GABRB2: variants seen among roughly 807,000 people sequenced by gnomAD.
GABRB2 encodes gamma-aminobutyric acid receptor subunit beta-2.
Under a neutral mutation model 54.7 loss-of-function variants are expected in GABRB2, and 16 were observed. The ratio of observed to expected loss-of-function variants is 0.29; its 90% CI spans 0.20 to 0.44. GABRB2 has a LOEUF of 0.44. GABRB2 is among the 20% of genes least tolerant of loss of function. The probability of loss-of-function intolerance (pLI) is 1.00; values close to 1 mark genes in which losing one functional copy is unlikely to be tolerated. For missense variants in GABRB2, 355 were observed against 644.0 expected (o/e 0.55, Z 4.86); for synonymous variants, 244 against 233.8 (o/e 1.04, Z -0.40).
At chr5:161,342,341 TA>T (rs1171443669) in intron 5 of GABRB2, among the ~76,000 whole-genome samples, 1 of 152,052 alleles carries the variant, frequency 6.6e-6, no homozygotes, top group Non-Finnish European at 1.5e-5. Context: ...CATTTGTATT[TA>T]AAATGTTGTA....
At chr5:161,545,632 A>G (rs1382996265) in intron 2 of GABRB2, among the ~76,000 whole-genome samples, 1 of 146,408 alleles carries the variant, frequency 6.8e-6, no homozygotes, top group Non-Finnish European at 1.5e-5. Context: ...TTGCGCTGAA[A>G]CCCCCTCCTC....
intron 5 of GABRB2, among the ~76,000 whole-genome samples, chr5:161,373,212 C>T (rs1348751758): frequency 6.6e-6 from 1 of 152,178 alleles, no homozygotes; most frequent in African/African-American, 2.4e-5. Flanking sequence ...AGTCCCTTCT[C>T]ATCTCATACA....
At chr5:161,493,439 T>A (rs1343499844) in intron 3 of GABRB2, among the ~76,000 whole-genome samples, 1 of 151,752 alleles carries the variant, frequency 6.6e-6, no homozygotes, top group Non-Finnish European at 1.5e-5. Flanking sequence ...CTAATCATTA[T>A]AGTTATTTCA....
At chr5:161,364,494 CA>C (rs1005553653) in intron 5 of GABRB2, among the ~76,000 whole-genome samples, 17 of 152,086 alleles carry the variant, frequency 1.1e-4, no homozygotes, top group African/African-American at 3.9e-4. Flanking sequence ...GGTAACATTC[CA>C]AAACATTCAT....
chr5:161,387,254 T>A (rs1288767539), intron 5 of GABRB2, among the ~76,000 whole-genome samples: 1 of 152,050 alleles, frequency 6.6e-6, no homozygotes, highest in Non-Finnish European at 1.5e-5. Flanking sequence ...CAATGTAAGT[T>A]AAATATGTTG....
At chr5:161,479,429 C>G (rs565018343) in intron 3 of GABRB2, among the ~76,000 whole-genome samples, 5 of 151,830 alleles carry the variant, frequency 3.3e-5, no homozygotes, top group Admixed American at 3.3e-4. Context: ...GTCCTTCCTG[C>G]GTGATATATA....
At chr5:161,378,269 T>C (rs1358669468) in intron 5 of GABRB2, among the ~76,000 whole-genome samples, 1 of 152,154 alleles carries the variant, frequency 6.6e-6, no homozygotes, top group African/African-American at 2.4e-5. Context: ...CTAAATTATG[T>C]AACTGGGTAG....
chr5:161,536,058 G>T (rs1760625212), intron 3 of GABRB2, among the ~76,000 whole-genome samples: 1 of 152,156 alleles, frequency 6.6e-6, no homozygotes, highest in African/African-American at 2.4e-5. Flanking sequence ...CTCACCAGAT[G>T]CAGATGTTCA....
chr5:161,347,017 C>A (rs1319280812), intron 5 of GABRB2, among the ~76,000 whole-genome samples: 1 of 152,022 alleles, frequency 6.6e-6, no homozygotes, highest in African/African-American at 2.4e-5. Flanking sequence ...GGACAGCAGG[C>A]CTGCTGCTCA....
intron 5 of GABRB2, among the ~76,000 whole-genome samples, chr5:161,352,821 T>C (rs968358280): frequency 6.6e-6 from 1 of 152,028 alleles, no homozygotes; most frequent in Admixed American, 6.6e-5. Flanking sequence ...TACATATATA[T>C]AATTTTTGTC....
At chr5:161,527,960 C>T (rs899474941) in intron 3 of GABRB2, among the ~76,000 whole-genome samples, 7 of 151,428 alleles carry the variant, frequency 4.6e-5, no homozygotes, top group African/African-American at 1.7e-4. Flanking sequence ...TAAGAATTTA[C>T]CAAAGAAAAT....
At chr5:161,465,101 C>T (rs1292771721) in intron 3 of GABRB2, among the ~76,000 whole-genome samples, 2 of 152,074 alleles carry the variant, frequency 1.3e-5, no homozygotes, top group South Asian at 2.1e-4. Context: ...GGGTCAGACA[C>T]ACCTAGGTCC....
chr5:161,453,943 C>T (rs1408292430), intron 4 of GABRB2, among the ~76,000 whole-genome samples: 1 of 149,460 alleles, frequency 6.7e-6, no homozygotes, highest in Non-Finnish European at 1.5e-5. Flanking sequence ...GAGGCTGGGG[C>T]AGGAGAATTG....
chr5:161,465,055 A>T (rs1247723361), intron 3 of GABRB2, among the ~76,000 whole-genome samples: 2 of 152,064 alleles, frequency 1.3e-5, no homozygotes, highest in Non-Finnish European at 2.9e-5. Context: ...ATAAAAAATA[A>T]ATCTTTCAAT....
At chr5:161,362,085 T>C (rs1275690711) in intron 5 of GABRB2, among the ~76,000 whole-genome samples, 3 of 152,176 alleles carry the variant, frequency 2.0e-5, no homozygotes, top group African/African-American at 7.2e-5. Flanking sequence ...CAGATGACTG[T>C]AGATGTGTGG....
intron 3 of GABRB2, among the ~76,000 whole-genome samples, chr5:161,498,640 G>A (rs1318710448): frequency 1.3e-5 from 2 of 152,142 alleles, no homozygotes; most frequent in African/African-American, 4.8e-5. Flanking sequence ...ATGTAAAAGA[G>A]TCTTGGAACA....
chr5:161,545,052 G>C (rs146354147), intron 3 of GABRB2, among the ~76,000 whole-genome samples, 175 bp downstream of exon 3: 2 of 151,982 alleles, frequency 1.3e-5, no homozygotes, highest in Non-Finnish European at 2.9e-5. Context: ...TTAGGGACCA[G>C]AAAGAGTCAA....
chr5:161,302,367 T>C lies in GABRB2; in HGVS notation c.1192-7939A>G, dbSNP rs373446269. Among the ~76,000 whole-genome samples the C allele has an allele frequency of 1.8e-4, 27 of 152,336 alleles. No homozygotes were observed. The South Asian group carries it at 5.4e-3, about 30-fold the overall frequency. ...ACCTTATTTTTATATAATAATCAGT[T>C]AATTCCAAGTTTGGTTTAGGCTTGC... On this transcript the variant is annotated intron_variant, in intron 9 of 9. Transcript: ENST00000393959.
chr5:161,397,307 C>A (rs1056605483), intron 5 of GABRB2, among the ~76,000 whole-genome samples: 1 of 152,178 alleles, frequency 6.6e-6, no homozygotes, highest in Admixed American at 6.5e-5. Context: ...AATGTTACAA[C>A]TCAAGGCCGG....
Sources: gnomAD v4.1 joint callset for allele counts (sites outside exome capture counted in the v4.1 genomes callset) on GRCh38, gnomAD v4.1.1 for gene constraint, MANE v1.5 for transcripts, NCBI Gene and HGNC (gene_info 2026-07-23, HGNC 2026-07-21) for gene names.